The following UNC79 variants were observed in gnomAD, a reference collection of about 807,000 sequenced individuals.
The protein encoded by UNC79 is protein unc-79 homolog.
A neutral mutation model predicts 283.1 loss-of-function variants in UNC79; 37 were observed. The ratio of observed to expected loss-of-function variants is 0.13; its 90% CI spans 0.10 to 0.17. The LOEUF is 0.17. Ranked by LOEUF, UNC79 falls within the 10% of genes least tolerant of loss-of-function variation. The pLI, the probability that UNC79 is intolerant of heterozygous loss-of-function variation, is 1.00. For synonymous variants in UNC79, 1,107 were observed against 1,200.2 expected (o/e 0.92, Z 1.61); for missense variants, 2,272 against 3,211.1 (o/e 0.71, Z 7.07).
chr14:93,477,650 A>C, exon 4 of UNC79: 2 of 1,613,526 alleles, frequency 1.2e-6, no homozygotes, highest in Non-Finnish European at 8.5e-7. Flanking sequence ...GATGATATCA[A>C]CGTTGGCTAC....
At chr14:93,646,550 T>A (rs1332733937) in intron 34 of UNC79, 58 bp from the exon 38 acceptor site, 1 of 1,546,206 alleles carries the variant, frequency 6.5e-7, no homozygotes. Flanking sequence ...ACAATATTAA[T>A]GCATTTCATC....
At chr14:93,616,857 A>G (rs2066767923) in intron 27 of UNC79, among the ~76,000 whole-genome samples, 1 of 152,222 alleles carries the variant, frequency 6.6e-6, no homozygotes, top group Non-Finnish European at 1.5e-5. Flanking sequence ...AGTTGAATGG[A>G]CAAAATTTTA....
chr14:93,507,254 A>C (rs1275770050), intron 7 of UNC79, among the ~76,000 whole-genome samples: 2 of 152,174 alleles, frequency 1.3e-5, no homozygotes, highest in Non-Finnish European at 2.9e-5. Flanking sequence ...TCTCTTGGGT[A>C]TATACCTAGG....
intron 1 of UNC79, among the ~76,000 whole-genome samples, chr14:93,407,722 ATTAAAAAAACTGGAGAT>A (rs2055255374): frequency 6.6e-6 from 1 of 152,210 alleles, no homozygotes; most frequent in Non-Finnish European, 1.5e-5. Context: ...AATTTGGCCC[ATTAAAAAAACTGGAGAT>A]TTAATTATAA....
At chr14:93,439,775 A>C (rs1338939029) in intron 1 of UNC79, among the ~76,000 whole-genome samples, 1 of 152,028 alleles carries the variant, frequency 6.6e-6, no homozygotes, top group Non-Finnish European at 1.5e-5. Context: ...TATTTGTTGT[A>C]TGACACTTGT....
Position 93,532,597 on chromosome 14 carries a change from T to G in UNC79, c.1122+19T>G, listed in dbSNP as rs2060880126. ...GAAAAAGGTAAGAGCAAACCATTTG[T>G]GTCGTTGGGGCATGATTTATTGTGT... is the stretch of plus-strand genomic sequence containing the variant. On this transcript the variant is annotated intron_variant, in intron 11 of 48. Transcript: ENST00000555664. The G allele has an allele frequency of 1.2e-6, 2 of 1,610,104 alleles. No individual in the cohort carries two copies. The highest frequency in any genetic ancestry group is 1.7e-5 in the Admixed American group (1 of 59,908).
upstream of UNC79, among the ~76,000 whole-genome samples, chr14:93,428,162 A>G (rs2055771989): frequency 6.6e-6 from 1 of 152,188 alleles, no homozygotes; most frequent in Non-Finnish European, 1.5e-5. Context: ...GATAGCAGGT[A>G]GGGTAGTGAG....
intron 2 of UNC79, among the ~76,000 whole-genome samples, chr14:93,470,092 A>G (rs929681451): frequency 6.6e-6 from 1 of 152,138 alleles, no homozygotes; most frequent in South Asian, 2.1e-4. Context: ...GGGAAAAATA[A>G]CAAGAAGAAA....
At chr14:93,422,954 T>C (rs560583837) in intron 1 of UNC79, among the ~76,000 whole-genome samples, 1 of 149,918 alleles carries the variant, frequency 6.7e-6, no homozygotes, top group East Asian at 2.0e-4. Flanking sequence ...TCCCAGCTAC[T>C]CAGGAGGTTG....
intron 1 of UNC79, among the ~76,000 whole-genome samples, chr14:93,389,002 A>C (rs183024345): frequency 6.6e-6 from 1 of 152,350 alleles, no homozygotes; most frequent in Admixed American, 6.5e-5. Context: ...GGAATGGACC[A>C]GTTTAACTTT....
chr14:93,624,109 C>T (rs1329332370), intron 30 of UNC79, among the ~76,000 whole-genome samples: 5 of 152,110 alleles, frequency 3.3e-5, no homozygotes, highest in African/African-American at 1.2e-4. Context: ...GTGCCTGATT[C>T]CAGTCACGTT....
At chr14:93,379,718 A>AGGGGGGGGGGTGGG (rs201852550) in intron 1 of UNC79, among the ~76,000 whole-genome samples, 1 of 50,564 alleles carries the variant, frequency 2.0e-5, no homozygotes, top group African/African-American at 8.1e-5. Context: ...GGAGGGTGGG[A>AGGGGGGGGGGTGGG]GGGGGGTGAG....
intron 5 of UNC79, among the ~76,000 whole-genome samples, chr14:93,489,833 C>G (rs910563387): frequency 6.6e-6 from 1 of 152,202 alleles, no homozygotes; most frequent in African/African-American, 2.4e-5. Flanking sequence ...GGGCTCTCTA[C>G]AGTGATCCTG....
intron 14 of UNC79, among the ~76,000 whole-genome samples, chr14:93,547,915 A>G (rs1424589278): frequency 1.3e-5 from 2 of 152,146 alleles, no homozygotes; most frequent in Admixed American, 6.5e-5. Context: ...GATCACTGGG[A>G]GGTTGAGACT....
At position 93,387,052 on chromosome 14, in the gene UNC79, C is replaced by T. The variant is rs559356624; in HGVS notation, c.-351+53529C>T. On this transcript the variant is annotated intron_variant, in intron 1 of 49. Transcript: ENST00000256339. ...CCGCCTCTCAGGTACAATCGATTCT[C>T]CTGTCTCAGCCTCCCAAGTAGCTCA... Among the ~76,000 whole-genome samples, 28 of 146,630 alleles carry T rather than the reference C, an allele frequency of 1.9e-4. 1 individual carries two copies. The South Asian group carries it at 4.0e-3, about 21-fold the overall frequency.
chr14:93,512,811 C>G (rs1344630903), intron 7 of UNC79, among the ~76,000 whole-genome samples: 2 of 151,980 alleles, frequency 1.3e-5, no homozygotes, highest in Non-Finnish European at 2.9e-5. Flanking sequence ...CATATTTGAA[C>G]TACTTATTTT....
chr14:93,650,700 T>C (rs1180119377), intron 35 of UNC79, among the ~76,000 whole-genome samples: 2 of 152,198 alleles, frequency 1.3e-5, no homozygotes, highest in Non-Finnish European at 2.9e-5. Flanking sequence ...CTTTGTTAAG[T>C]ATGTTTTGAG....
chr14:93,404,486 T>TAA (rs34406486), intron 1 of UNC79, among the ~76,000 whole-genome samples: 1,055 of 53,028 alleles, frequency 0.02, 163 homozygotes, highest in African/African-American at 0.081. Context: ...TGAGACCTTC[T>TAA]AAAAAAAATA....
chr14:93,540,119 G>A (rs1470530453), intron 12 of UNC79, among the ~76,000 whole-genome samples: 1 of 152,160 alleles, frequency 6.6e-6, no homozygotes, highest in Non-Finnish European at 1.5e-5. Context: ...GATTTACAAT[G>A]CCAACACCAT....
Sources: gnomAD v4.1 joint callset for allele counts (sites outside exome capture counted in the v4.1 genomes callset) on GRCh38, gnomAD v4.1.1 for gene constraint, MANE v1.5 for transcripts, NCBI Gene and HGNC (gene_info 2026-07-23, HGNC 2026-07-21) for gene names.